The following RYR3 variants were observed in gnomAD, a reference collection of about 807,000 sequenced individuals.
RYR3 encodes ryanodine receptor 3, also known as brain ryanodine receptor-calcium release channel.
Under a neutral mutation model 584.3 loss-of-function variants are expected in RYR3, and 207 were observed. The observed-to-expected ratio is 0.35, with a 90% CI of 0.32 to 0.40. RYR3 has a LOEUF of 0.40. Ranked by LOEUF, RYR3 falls within the 10% of genes least tolerant of loss-of-function variation. The pLI is 1.00. For synonymous variants in RYR3, 2,416 were observed against 2,248.5 expected (o/e 1.07, Z -2.11); for missense variants, 5,616 against 6,089.2 (o/e 0.92, Z 2.59).
At chr15:33,854,219 A>G (rs951634752) in intron 96 of RYR3, among the ~76,000 whole-genome samples, 170 bp from the exon 97 acceptor site, 14 of 151,416 alleles carry the variant, frequency 9.2e-5, no homozygotes, top group African/African-American at 3.2e-4. Context: ...AATTCAGGCT[A>G]TGTGATTCAA....
intron 38 of RYR3, among the ~76,000 whole-genome samples, chr15:33,680,295 G>A (rs528142771): frequency 8.5e-4 from 129 of 152,254 alleles, no homozygotes; most frequent in African/African-American, 2.9e-3. Flanking sequence ...TTTCAGATGC[G>A]TTCAGCAAAC....
intron 1 of RYR3, among the ~76,000 whole-genome samples, chr15:33,464,507 T>TATAC (rs1242437090): frequency 8.3e-6 from 1 of 121,060 alleles, no homozygotes; most frequent in African/African-American, 2.9e-5. Flanking sequence ...TATATATACA[T>TATAC]ACACATACAC....
At chr15:33,580,798 C>G (rs899329212) in intron 13 of RYR3, among the ~76,000 whole-genome samples, 1 of 152,150 alleles carries the variant, frequency 6.6e-6, no homozygotes, top group African/African-American at 2.4e-5. Context: ...TTGGGCATTT[C>G]CAAAGTTAGT....
chr15:33,565,262 T>C (rs1290595152), intron 11 of RYR3, among the ~76,000 whole-genome samples: 1 of 152,216 alleles, frequency 6.6e-6, no homozygotes, highest in African/African-American at 2.4e-5. Flanking sequence ...CAGGCCAAAG[T>C]AAACATAGTG....
At chr15:33,378,214 G>C (rs79339562) in intron 1 of RYR3, among the ~76,000 whole-genome samples, 2,118 of 152,292 alleles carry the variant, frequency 0.014, 45 homozygotes, top group African/African-American at 0.048. Context: ...ATTTGGATCT[G>C]GGGGAGCCAG....
chr15:33,823,205 A>G (rs2077200059), intron 81 of RYR3, 133 bp downstream of exon 81: 1 of 658,356 alleles, frequency 1.5e-6, no homozygotes, highest in Non-Finnish European at 2.5e-6. Flanking sequence ...TTAGAAAGCT[A>G]AGAGAGTAGG....
intron 1 of RYR3, among the ~76,000 whole-genome samples, chr15:33,407,996 C>T (rs907964519): frequency 7.4e-6 from 1 of 135,180 alleles, no homozygotes. Flanking sequence ...AAAATGATAT[C>T]CCAGTTAAAC....
Position 33,652,777 on chromosome 15 carries a change from G to T in RYR3, c.4202G>T (p.Arg1401Ile), listed in dbSNP as rs1269166947. The T allele has an allele frequency of 6.2e-7, 1 of 1,613,916 alleles. No individual in the cohort carries two copies. Among genetic ancestry groups the T allele is most frequent in the Non-Finnish European group, 8.5e-7 (1 of 1,179,866 alleles). The change falls in exon 32 of 104, where the codon AGA becomes ATA. Residue 1401 changes from arginine to isoleucine, a missense_variant. This residue lies in a region of RYR3 where 753 missense variants were observed against 741.0 expected (regional missense o/e 1.02). Coordinates refer to ENST00000634891, the MANE Select transcript of RYR3 (RefSeq NM_001036.6). ...GGAGACATTGTAGCCAGTTCCCAGAGATCAAATCGGAGCAACGTGGACCTG... is the reference window on the plus strand; with the variant it reads ...GGAGACATTGTAGCCAGTTCCCAGATATCAAATCGGAGCAACGTGGACCTG... ...WGGDIVASSQRSNRSNVDLEI... is the reference protein window; with the variant it reads ...WGGDIVASSQISNRSNVDLEI...
intron 36 of RYR3, among the ~76,000 whole-genome samples, chr15:33,667,898 C>T (rs962286640): frequency 6.6e-6 from 1 of 151,942 alleles, no homozygotes; most frequent in Non-Finnish European, 1.5e-5. Flanking sequence ...CCCATCTCTA[C>T]TAAAAATACA....
At position 33,699,745 on chromosome 15, in the gene RYR3, T is replaced by G; in HGVS notation, c.6291T>G (p.Leu2097=). Residue 2097 remains leucine, a synonymous_variant, in exon 41 of 104, where the codon CTT becomes CTG. Coordinates refer to ENST00000634891, the MANE Select transcript of RYR3 (RefSeq NM_001036.6). ...TGGTTGCTAGCTGCTGCCGTTTCCTTTGCTATTTCTGTCGAATTAGCCGGC... is the reference window on the plus strand; with the variant it reads ...TGGTTGCTAGCTGCTGCCGTTTCCTGTGCTATTTCTGTCGAATTAGCCGGC... ...PKMVASCCRF[L]CYFCRISRQN... 1.2e-6 allele frequency: 2 copies of G among 1,613,866 alleles called. No homozygotes were observed. Among genetic ancestry groups the G allele is most frequent in the Non-Finnish European group, 1.7e-6 (2 of 1,179,780 alleles).
rs114654937 is a variant in RYR3, at chr15:33,821,156, T to G, written c.10816-114T>G. On this transcript the variant is annotated intron_variant, in intron 78 of 103. Transcript: ENST00000634891. ...CTTCAGAAGTCTGCTTTATCCAAGT[T>G]GATGTGTGTTACCTTCCTTAGGTAA... The G allele has an allele frequency of 2.8e-5, 21 of 754,144 alleles. No individual in the cohort carries two copies. In the African/African-American group the frequency reaches 3.5e-4, roughly 13 times the overall value. The allele number at this position is 754,144 out of a possible 1,614,324, so 46.7% of individuals were successfully genotyped here.
chr15:33,415,646 G>A (rs2043750908), intron 1 of RYR3, among the ~76,000 whole-genome samples: 1 of 152,208 alleles, frequency 6.6e-6, no homozygotes. Context: ...GCTTCAGAGA[G>A]GAGTTCACAT....
intron 13 of RYR3, among the ~76,000 whole-genome samples, chr15:33,580,776 A>G (rs1387774118): frequency 9.9e-5 from 15 of 152,228 alleles, no homozygotes; most frequent in Admixed American, 9.8e-4. Context: ...GCCTGGGCAC[A>G]GGGCTTGTCC....
At chr15:33,767,318 G>GAA (rs11413700) in intron 60 of RYR3, among the ~76,000 whole-genome samples, 23 of 150,290 alleles carry the variant, frequency 1.5e-4, no homozygotes, top group South Asian at 4.2e-4. Context: ...ACCCGTCTCT[G>GAA]AAAAAAAAAC....
intron 2 of RYR3, among the ~76,000 whole-genome samples, chr15:33,480,786 A>G (rs1348798286): frequency 2.6e-5 from 4 of 152,166 alleles, no homozygotes; most frequent in Non-Finnish European, 4.4e-5. Flanking sequence ...ATGTTGGTGA[A>G]TGTTTCAGGT....
chr15:33,768,198 C>T (rs1367243158), intron 60 of RYR3, among the ~76,000 whole-genome samples: 1 of 152,196 alleles, frequency 6.6e-6, no homozygotes, highest in Middle Eastern at 3.2e-3. Flanking sequence ...CTTTTCCAAT[C>T]CCAGCTTCTT....
intron 39 of RYR3, among the ~76,000 whole-genome samples, chr15:33,696,975 C>CA (rs1002510197): frequency 7.9e-5 from 12 of 151,460 alleles, no homozygotes; most frequent in South Asian, 2.1e-4. Context: ...GCCATGTAGT[C>CA]AAAAAAAATT....
intron 5 of RYR3, 90 bp downstream of exon 5, chr15:33,533,479 G>A: frequency 1.1e-6 from 1 of 885,020 alleles, no homozygotes; most frequent in South Asian, 1.6e-5. Context: ...TACTCATTTG[G>A]GATTCCAAAC....
At chr15:33,345,620 C>T (rs1375671060) in intron 1 of RYR3, among the ~76,000 whole-genome samples, 1 of 152,166 alleles carries the variant, frequency 6.6e-6, no homozygotes, top group Admixed American at 6.5e-5. Context: ...CTCTGCCATG[C>T]AGAGTACAGA....
Sources: gnomAD v4.1 joint callset for allele counts (sites outside exome capture counted in the v4.1 genomes callset) on GRCh38, gnomAD v4.1.1 for gene constraint, gnomAD v4.1.1 regional missense constraint, MANE v1.5 for transcripts, NCBI Gene and HGNC (gene_info 2026-07-23, HGNC 2026-07-21) for gene names.